Variants in NIPBL observed in about 807,000 individuals in gnomAD.
NIPBL encodes the protein NIPBL cohesin loading factor.
NIPBL carries 19 observed loss-of-function variants against 321.8 expected under a neutral mutation model. That is an observed-to-expected ratio of 0.06 (90% confidence interval 0.04 to 0.09). The LOEUF (loss-of-function observed/expected upper bound fraction) is 0.09. NIPBL is among the 10% of genes least tolerant of loss of function. The probability of loss-of-function intolerance (pLI) is 1.00; values close to 1 mark genes in which losing one functional copy is unlikely to be tolerated. For synonymous variants in NIPBL, 1,106 were observed against 1,114.1 expected (o/e 0.99, Z 0.14); for missense variants, 2,210 against 3,327.0 (o/e 0.66, Z 8.26).
At chr5:36,952,979 G>A (rs750802382) in intron 1 of NIPBL, among the ~76,000 whole-genome samples, 3 of 152,156 alleles carry the variant, frequency 2.0e-5, no homozygotes, top group Admixed American at 6.5e-5. Context: ...TCATGAAATC[G>A]TGGGAACGTG....
chr5:36,901,251 C>T (rs1580182678), intron 1 of NIPBL, among the ~76,000 whole-genome samples: 1 of 152,284 alleles, frequency 6.6e-6, no homozygotes, highest in African/African-American at 2.4e-5. Context: ...CCAGCTGCCT[C>T]CATGTTGCTG....
chr5:36,942,478 G>A (rs1228112372), intron 1 of NIPBL, among the ~76,000 whole-genome samples: 2 of 133,318 alleles, frequency 1.5e-5, no homozygotes, highest in African/African-American at 2.9e-5. Context: ...GGTGGCTAAC[G>A]CCTTGAAATC....
intron 3 of NIPBL, among the ~76,000 whole-genome samples, chr5:36,957,549 A>G (rs1325990448): frequency 6.6e-6 from 1 of 152,222 alleles, no homozygotes; most frequent in Non-Finnish European, 1.5e-5. Flanking sequence ...TATTAAACTC[A>G]TAGTTCAATA....
intron 15 of NIPBL, among the ~76,000 whole-genome samples, chr5:37,003,023 A>G (rs950266130): frequency 1.1e-4 from 17 of 149,484 alleles, no homozygotes; most frequent in Non-Finnish European, 1.5e-4. Flanking sequence ...TTTTTTTTTC[A>G]TTTTCTCAAA....
intron 4 of NIPBL, among the ~76,000 whole-genome samples, chr5:36,961,044 T>C (rs1228961242): frequency 1.3e-5 from 2 of 152,122 alleles, no homozygotes; most frequent in Non-Finnish European, 2.9e-5. Flanking sequence ...GTCTGAACCA[T>C]GATAATACAA....
chr5:37,012,271 TTCCGA>T (rs1436072043), intron 21 of NIPBL, among the ~76,000 whole-genome samples: 1 of 151,434 alleles, frequency 6.6e-6, no homozygotes, highest in African/African-American at 2.4e-5. Context: ...CACCTCAGCC[TTCCGA>T]GTAGCTGGAA....
At chr5:36,980,240 T>C (rs1270052174) in intron 9 of NIPBL, among the ~76,000 whole-genome samples, 2 of 151,788 alleles carry the variant, frequency 1.3e-5, no homozygotes, top group Admixed American at 1.3e-4. Context: ...GTTTTTTCTG[T>C]AATCTGTGAT....
chr5:36,983,816 GTGTT>G (rs369523383), intron 9 of NIPBL, among the ~76,000 whole-genome samples: 251 of 152,080 alleles, frequency 1.7e-3, no homozygotes, highest in African/African-American at 5.4e-3. Flanking sequence ...GTTTGTGTGT[GTGTT>G]TGTCTTTACA....
In NIPBL at chr5:36,906,511, A is replaced by C. The variant is rs1747650990; in HGVS notation, c.-80+29333A>C. On this transcript the variant is annotated intron_variant, in intron 1 of 46. Transcript: ENST00000282516. ...ATGTCCTTTTTTCTATCAAACTACT[A>C]ATGTCTTTTAGAAATTATTTCTGCT... is the stretch of plus-strand genomic sequence containing the variant. Among the ~76,000 whole-genome samples the C allele has an allele frequency of 2.6e-5, 4 of 152,176 alleles. No individual in the cohort carries two copies. In the South Asian group the frequency reaches 8.3e-4, roughly 32 times the overall value.
intron 33 of NIPBL, among the ~76,000 whole-genome samples, chr5:37,037,517 GAAC>G (rs1360799354): frequency 4.7e-5 from 7 of 150,182 alleles, no homozygotes; most frequent in Admixed American, 1.3e-4. Context: ...CATTAATGAG[GAAC>G]AACGTCAGCC....
At chr5:37,011,730 T>A (rs1428320872) in intron 21 of NIPBL, among the ~76,000 whole-genome samples, 1 of 152,138 alleles carries the variant, frequency 6.6e-6, no homozygotes, top group Non-Finnish European at 1.5e-5. Flanking sequence ...AAATTTGATA[T>A]ACAATTATTT....
intron 6 of NIPBL, 29 bp downstream of exon 6, chr5:36,962,303 G>A: frequency 2.5e-6 from 4 of 1,612,670 alleles, no homozygotes; most frequent in Non-Finnish European, 3.4e-6. Flanking sequence ...ACTTCACTGG[G>A]AATGTCTAAG....
chr5:36,927,075 C>T (rs1209318492), intron 1 of NIPBL, among the ~76,000 whole-genome samples: 2 of 152,116 alleles, frequency 1.3e-5, no homozygotes. Flanking sequence ...TGTATATTCT[C>T]CCTCTAATAT....
chr5:37,016,094 A>G lies in NIPBL; in HGVS notation c.4700A>G (p.Gln1567Arg), dbSNP rs1748954488. Residue 1567 changes from glutamine to arginine, a missense_variant, in exon 23 of 47, where the codon CAA (glutamine) becomes CGA (arginine). This residue lies in a region of NIPBL where 28 missense variants were observed against 91.3 expected (regional missense o/e 0.31). Coordinates refer to ENST00000282516, the MANE Select transcript of NIPBL (RefSeq NM_133433.4). ...AGACCACTGTTTGAAAATTTTGTTC[A>G]AGACCTTCTTTCAACAGTCAATAAG... ...DYRPLFENFV[Q>R]DLLSTVNKPE... The G allele has an allele frequency of 1.2e-6, 2 of 1,613,962 alleles. No homozygotes were observed. Among genetic ancestry groups the G allele is most frequent in the African/African-American group, 2.7e-5 (2 of 75,044 alleles).
At chr5:37,015,968 A>T in intron 22 of NIPBL, 70 bp from the exon 23 acceptor site, 1 of 1,500,284 alleles carries the variant, frequency 6.7e-7, no homozygotes, top group South Asian at 1.1e-5. Context: ...AATTTCAATC[A>T]TGTTGGTAGA....
At chr5:37,035,413 G>A (rs1033053590) in intron 32 of NIPBL, among the ~76,000 whole-genome samples, 2 of 152,192 alleles carry the variant, frequency 1.3e-5, no homozygotes, top group African/African-American at 4.8e-5. Context: ...AGGAAAAGGG[G>A]CAGTGTGTGT....
chr5:36,990,916 C>A (rs376659184), intron 10 of NIPBL, among the ~76,000 whole-genome samples: 1 of 151,780 alleles, frequency 6.6e-6, no homozygotes, highest in Non-Finnish European at 1.5e-5. Flanking sequence ...AAGGAGCTAG[C>A]AAATATTAAT....
Position 37,020,497 on chromosome 5 carries a change from C to T in NIPBL, c.5049C>T (p.Asp1683=). ...TCTATATAGCCCAGTGGTTTCGAGA[C>T]ACAACTCTGGAAACAGAAAAAGCAA... is the stretch of plus-strand genomic sequence containing the variant. The part of the protein sequence containing the change: ...RKFYIAQWFR[D]TTLETEKAMK... The change falls in exon 26 of 47, where the codon GAC becomes GAT. Residue 1683 remains aspartate, a synonymous_variant. Coordinates refer to ENST00000282516, the MANE Select transcript of NIPBL (RefSeq NM_133433.4). The T allele has an allele frequency of 6.2e-7, 1 of 1,613,712 alleles. No homozygotes were observed. The highest frequency in any genetic ancestry group is 8.5e-7 in the Non-Finnish European group (1 of 1,179,744).
chr5:36,905,354 T>G (rs1396564633), intron 1 of NIPBL, among the ~76,000 whole-genome samples: 1 of 152,188 alleles, frequency 6.6e-6, no homozygotes, highest in Non-Finnish European at 1.5e-5. Flanking sequence ...GATCCACTAA[T>G]GGAGGATTGT....
Sources: gnomAD v4.1 joint callset for allele counts (sites outside exome capture counted in the v4.1 genomes callset) on GRCh38, gnomAD v4.1.1 for gene constraint, gnomAD v4.1.1 regional missense constraint, MANE v1.5 for transcripts, NCBI Gene and HGNC (gene_info 2026-07-23, HGNC 2026-07-21) for gene names.